Variants in CCDC30 observed in about 807,000 individuals in gnomAD.
CCDC30 encodes the protein coiled-coil domain-containing protein 30.
A neutral mutation model predicts 100.2 loss-of-function variants in CCDC30; 70 were observed. The observed-to-expected ratio is 0.70, with a 90% CI of 0.58 to 0.85. The LOEUF is 0.85. Ranked by LOEUF, CCDC30 falls within the 40% of genes least tolerant of loss-of-function variation. The pLI is 0.00. For synonymous variants in CCDC30, 233 were observed against 269.5 expected (o/e 0.86, Z 1.33); for missense variants, 652 against 771.2 (o/e 0.85, Z 1.83).
intron 6 of CCDC30, among the ~76,000 whole-genome samples, chr1:42,503,375 A>C (rs1409240665): frequency 6.6e-6 from 1 of 152,242 alleles, no homozygotes; most frequent in Non-Finnish European, 1.5e-5. Flanking sequence ...GCTGGCCTGC[A>C]GCAGACTGCA....
At chr1:42,633,134 C>T (rs56321279) in intron 11 of CCDC30, among the ~76,000 whole-genome samples, 23,886 of 152,010 alleles carry the variant, frequency 0.16, 2,100 homozygotes, top group South Asian at 0.31. Flanking sequence ...CTTTGTATCA[C>T]AAATTTCAAG....
chr1:42,566,468 A>G, exon 7 of CCDC30: 2 of 1,613,144 alleles, frequency 1.2e-6, no homozygotes, highest in Non-Finnish European at 1.7e-6. Flanking sequence ...CAGGAAGAAA[A>G]CATTAAGGTA....
chr1:42,592,524 G>T (rs1646206717), intron 10 of CCDC30: 1 of 152,022 alleles, frequency 6.6e-6, no homozygotes, highest in African/African-American at 2.4e-5. Flanking sequence ...ACCAGCCTTG[G>T]CAACATGGAG....
intron 15 of CCDC30, among the ~76,000 whole-genome samples, chr1:42,653,085 A>T (rs1334489883): frequency 1.3e-5 from 2 of 152,174 alleles, no homozygotes; most frequent in African/African-American, 4.8e-5. Context: ...TTTCTGCAAT[A>T]TCTCCAAAAT....
chr1:42,601,569 G>T (rs554859371), intron 10 of CCDC30, among the ~76,000 whole-genome samples: 2 of 152,304 alleles, frequency 1.3e-5, no homozygotes, highest in Non-Finnish European at 2.9e-5. Flanking sequence ...AGGATGGGCA[G>T]CACTGCAAAT....
chr1:42,608,518 C>G (rs113934919), intron 10 of CCDC30, among the ~76,000 whole-genome samples: 6,402 of 151,638 alleles, frequency 0.042, 434 homozygotes, highest in African/African-American at 0.14. Flanking sequence ...TGGCTAACAC[C>G]GTGAAACCCG....
intron 6 of CCDC30, 107 bp downstream of exon 6, chr1:42,499,023 T>G (rs1317191029): frequency 2.6e-5 from 13 of 507,102 alleles, no homozygotes; most frequent in Non-Finnish European, 3.1e-6. Flanking sequence ...TCTTTCTTAT[T>G]GGGCTGTCTT....
In CCDC30 at chr1:42,645,022, G is replaced by C. The variant is rs75771349; in HGVS notation, c.1671+215G>C. 1.9e-3 allele frequency among the ~76,000 whole-genome samples: 290 copies of C among 152,232 alleles called. 1 individual carries two copies. The highest frequency in any genetic ancestry group is 3.4e-3 in the Non-Finnish European group (231 of 68,012). The stretch of plus-strand genomic sequence containing the variant: ...ATTTTAGTAAACTATCTCCTCCTGT[G>C]TGATCTCCAAGCAATTTGTATATGC... On this transcript the variant is annotated intron_variant, in intron 14 of 16. Coordinates refer to ENST00000668663, the Ensembl canonical transcript of CCDC30.
intron 7 of CCDC30, among the ~76,000 whole-genome samples, chr1:42,567,552 T>C (rs1645632808): frequency 6.6e-6 from 1 of 152,224 alleles, no homozygotes; most frequent in South Asian, 2.1e-4. Context: ...AAGGGAGTTC[T>C]CGTATTCCGG....
intron 3 of CCDC30, among the ~76,000 whole-genome samples, chr1:42,487,238 G>A (rs983055405): frequency 6.6e-6 from 1 of 151,960 alleles, no homozygotes; most frequent in Non-Finnish European, 1.5e-5. Flanking sequence ...AAATTAGATT[G>A]CGATGGTTGC....
chr1:42,566,215 C>A (rs1052745155), intron 6 of CCDC30, 81 bp from the exon 11 acceptor site: 52 of 1,056,758 alleles, frequency 4.9e-5, no homozygotes, highest in Non-Finnish European at 6.8e-5. Context: ...TCTGACAATT[C>A]CGGTTCTGAC....
rs1044643231 is a variant in CCDC30, at chr1:42,650,511, G to A, written c.1855-2865G>A. On this transcript the variant is annotated intron_variant, in intron 15 of 16. Transcript: ENST00000668663. The stretch of plus-strand genomic sequence containing the variant: ...AAAAAATATATATGTGTGTGTGTGT[G>A]TGTGTGTGTGTGTGTGTGTGTGTGT... Among the ~76,000 whole-genome samples, 883 of 150,896 alleles carry A rather than the reference G, an allele frequency of 5.9e-3. 6 individuals carry two copies. Among genetic ancestry groups the A allele is most frequent in the African/African-American group, 0.02 (817 of 41,122 alleles).
At chr1:42,504,548 T>A (rs1644368850) in intron 6 of CCDC30, among the ~76,000 whole-genome samples, 2 of 152,340 alleles carry the variant, frequency 1.3e-5, no homozygotes, top group African/African-American at 4.8e-5. Flanking sequence ...GCCATTCCAA[T>A]GGGTTGTAAT....
intron 7 of CCDC30, among the ~76,000 whole-genome samples, chr1:42,574,060 G>T (rs1035773915): frequency 2.0e-5 from 3 of 152,092 alleles, no homozygotes; most frequent in African/African-American, 7.2e-5. Flanking sequence ...AGTGAGACTA[G>T]TCTGTCATTT....
At chr1:42,585,964 TG>T (rs1412599346) in intron 9 of CCDC30, among the ~76,000 whole-genome samples, 3 of 152,216 alleles carry the variant, frequency 2.0e-5, no homozygotes, top group African/African-American at 7.2e-5. Context: ...ATTATAAAAC[TG>T]TAATAAATAT....
intron 10 of CCDC30, among the ~76,000 whole-genome samples, chr1:42,605,573 G>C (rs1646485871): frequency 6.6e-6 from 1 of 152,072 alleles, no homozygotes; most frequent in African/African-American, 2.4e-5. Flanking sequence ...CAACTGCCTG[G>C]GCTTAAGTCA....
At chr1:42,563,635 C>T (rs1217235106) in intron 6 of CCDC30, among the ~76,000 whole-genome samples, 2 of 152,144 alleles carry the variant, frequency 1.3e-5, no homozygotes, top group Admixed American at 1.3e-4. Context: ...AATCCCAGCA[C>T]TTTGGGAGGC....
intron 15 of CCDC30, among the ~76,000 whole-genome samples, chr1:42,649,985 G>A (rs1039227668): frequency 2.2e-4 from 33 of 152,092 alleles, no homozygotes; most frequent in Non-Finnish European, 3.1e-4. Flanking sequence ...TTCATGAATC[G>A]AAAGAATTAA....
At chr1:42,569,736 T>A (rs1210776837) in intron 7 of CCDC30, among the ~76,000 whole-genome samples, 1 of 152,122 alleles carries the variant, frequency 6.6e-6, no homozygotes, top group African/African-American at 2.4e-5. Flanking sequence ...CAAATGCCCA[T>A]CAATGATAGA....
Sources: allele counts gnomAD v4.1 joint callset (sites outside exome capture counted in the v4.1 genomes callset), GRCh38; gene constraint gnomAD v4.1.1; transcripts MANE v1.5; gene names NCBI Gene and HGNC (gene_info 2026-07-23, HGNC 2026-07-21).